Variants in PCGF5 observed in about 807,000 individuals in gnomAD.
PCGF5 encodes polycomb group RING finger protein 5.
In PCGF5, 9 loss-of-function variants were observed where a neutral mutation model predicts 44.3. The observed-to-expected ratio is 0.20, with a 90% CI of 0.12 to 0.35. PCGF5 has a LOEUF of 0.35. Among genes scored for constraint, PCGF5 ranks in the 10% least tolerant of loss-of-function variants. PCGF5 has a pLI of 1.00. For synonymous variants in PCGF5, 95 were observed against 102.5 expected (o/e 0.93, Z 0.44); for missense variants, 146 against 305.3 (o/e 0.48, Z 3.89).
Position 91,243,149 on chromosome 10 carries a change from T to G in PCGF5, c.209+2569T>G, listed in dbSNP as rs150682967. 1.4e-4 allele frequency among the ~76,000 whole-genome samples: 21 copies of G among 152,234 alleles called. No homozygotes were observed. The East Asian group carries it at 3.7e-3, about 27-fold the overall frequency. ...AAGCTAGAAAGCAAACTGGTGATGG[T>G]GATAGTTGAGCGGACCTCAGAGGCC... On this transcript the variant is annotated intron_variant, in intron 3 of 9. Transcript: ENST00000336126.
At chr10:91,175,790 G>C (rs1319906056) in intron 1 of PCGF5, among the ~76,000 whole-genome samples, 1 of 151,948 alleles carries the variant, frequency 6.6e-6, no homozygotes, top group Non-Finnish European at 1.5e-5. Flanking sequence ...CCTTTATTTT[G>C]AGCCTATGTG....
rs184085117 is a variant in PCGF5, at chr10:91,223,674, T to G, written c.112+691T>G. 4.6e-4 allele frequency among the ~76,000 whole-genome samples: 70 copies of G among 152,324 alleles called. 1 individual carries two copies. In the East Asian group the frequency reaches 6.6e-3, roughly 14 times the overall value. On this transcript the variant is annotated intron_variant, in intron 2 of 9. Transcript: ENST00000336126. ...GTGTTTCTGCCAGCATGATTTCATTTTTTATTTCAGTGAAAGTAATTCCAG... is the reference window on the plus strand; with the variant it reads ...GTGTTTCTGCCAGCATGATTTCATTGTTTATTTCAGTGAAAGTAATTCCAG...
At chr10:91,174,384 G>A (rs1843664560) in intron 1 of PCGF5, among the ~76,000 whole-genome samples, 1 of 152,098 alleles carries the variant, frequency 6.6e-6, no homozygotes. Context: ...GTGCATGCCT[G>A]TAATCCCAGC....
intron 8 of PCGF5, among the ~76,000 whole-genome samples, chr10:91,267,452 T>G (rs993861997): frequency 2.0e-5 from 3 of 152,238 alleles, no homozygotes; most frequent in Non-Finnish European, 4.4e-5. Flanking sequence ...CTGCTAAATC[T>G]CCAGCACCTA....
chr10:91,232,507 T>C (rs1845037458), intron 2 of PCGF5, among the ~76,000 whole-genome samples: 1 of 152,102 alleles, frequency 6.6e-6, no homozygotes, highest in African/African-American at 2.4e-5. Flanking sequence ...GGGGTTCTTT[T>C]TGAGCTGGGG....
Position 91,253,042 on chromosome 10 carries a change from C to T in PCGF5, c.474+1602C>T, listed in dbSNP as rs373128336. Among the ~76,000 whole-genome samples, 21 of 151,500 alleles carry T rather than the reference C, an allele frequency of 1.4e-4. No homozygotes were observed. In the East Asian group the frequency reaches 3.3e-3, roughly 24 times the overall value. On this transcript the variant is annotated intron_variant, in intron 6 of 9. Transcript: ENST00000336126. ...AGCTACCCTGATTCTTCCTTTTTTT[C>T]CTGTGGCATTCCTGCTTTGTCTCCA...
At chr10:91,267,275 T>A (rs1846070597) in intron 8 of PCGF5, among the ~76,000 whole-genome samples, 1 of 152,190 alleles carries the variant, frequency 6.6e-6, no homozygotes, top group Non-Finnish European at 1.5e-5. Flanking sequence ...TCTGACCTCC[T>A]CTAAAACTAC....
intron 3 of PCGF5, among the ~76,000 whole-genome samples, chr10:91,245,451 C>T (rs1329554627): frequency 6.6e-6 from 1 of 151,862 alleles, no homozygotes; most frequent in Non-Finnish European, 1.5e-5. Context: ...ACAACTCTTT[C>T]AAGGAGTTTT....
In PCGF5 at chr10:91,192,691, T is replaced by A. The variant is rs1046179598; in HGVS notation, c.-184+29610T>A. ...ACGACATACAATAAAACAGGCATAGTAAACATTTATTATATGGTTTGTTAT... is the reference window on the plus strand; with the variant it reads ...ACGACATACAATAAAACAGGCATAGAAAACATTTATTATATGGTTTGTTAT... On this transcript the variant is annotated intron_variant, in intron 1 of 9. Coordinates refer to the PCGF5 transcript ENST00000614189. Among the ~76,000 whole-genome samples the A allele has an allele frequency of 2.6e-5, 4 of 152,344 alleles. No homozygotes were observed. In the Middle Eastern group the frequency reaches 0.01, roughly 389 times the overall value.
At chr10:91,233,537 T>C (rs189799753) in intron 2 of PCGF5, among the ~76,000 whole-genome samples, 15 of 152,326 alleles carry the variant, frequency 9.8e-5, no homozygotes, top group Admixed American at 4.6e-4. Flanking sequence ...TACGGCACAT[T>C]ATGTAATATA....
At chr10:91,182,747 T>C (rs1843844809) in intron 1 of PCGF5, among the ~76,000 whole-genome samples, 1 of 152,258 alleles carries the variant, frequency 6.6e-6, no homozygotes, top group African/African-American at 2.4e-5. Flanking sequence ...ATTGTATCTT[T>C]GCTTTCATTA....
intron 2 of PCGF5, among the ~76,000 whole-genome samples, chr10:91,234,996 A>G (rs1056888911): frequency 6.6e-6 from 1 of 152,150 alleles, no homozygotes; most frequent in Non-Finnish European, 1.5e-5. Context: ...TGGTTTCTTA[A>G]TGGTGATAAT....
intron 9 of PCGF5, among the ~76,000 whole-genome samples, chr10:91,277,188 A>C (rs1053461839): frequency 6.6e-6 from 1 of 152,158 alleles, no homozygotes; most frequent in Non-Finnish European, 1.5e-5. Flanking sequence ...AGATTCCAAC[A>C]TTGAGTCTTC....
chr10:91,206,334 G>A (rs1304818387), intron 1 of PCGF5, among the ~76,000 whole-genome samples: 1 of 152,074 alleles, frequency 6.6e-6, no homozygotes, highest in Non-Finnish European at 1.5e-5. Flanking sequence ...AGCACTAGAT[G>A]TTATAAATAA....
intron 8 of PCGF5, among the ~76,000 whole-genome samples, chr10:91,268,665 A>G (rs1846103780): frequency 6.6e-6 from 1 of 152,096 alleles, no homozygotes; most frequent in Non-Finnish European, 1.5e-5. Flanking sequence ...CTCTGCTTCT[A>G]GCCTCTTAGG....
Position 91,280,602 on chromosome 10 carries a change from A to C in PCGF5, c.*2286A>C, listed in dbSNP as rs1453848260. On this transcript the variant is annotated 3_prime_UTR_variant, in exon 10 of 10. Coordinates refer to ENST00000336126, the MANE Select transcript of PCGF5 (RefSeq NM_032373.5). ...AAGGCATCAGTTGTCGTTTGGAGAA[A>C]GGTACACATTTTTTTGATGGTCCTA... is the stretch of plus-strand genomic sequence containing the variant. 4 of 152,632 alleles carry C rather than the reference A, an allele frequency of 2.6e-5. No homozygotes were observed. Among genetic ancestry groups the C allele is most frequent in the African/African-American group, 9.6e-5 (4 of 41,590 alleles). 9.5% of individuals were successfully genotyped at this position (152,632 alleles called of 1,614,324 possible).
At chr10:91,257,474 CAT>C (rs1457003990) in intron 6 of PCGF5, among the ~76,000 whole-genome samples, 9 of 148,868 alleles carry the variant, frequency 6.0e-5, no homozygotes, top group Non-Finnish European at 1.2e-4. Flanking sequence ...ATCTGTGGAG[CAT>C]ATGTTCCAAG....
At chr10:91,190,278 T>C (rs1844008307) in intron 1 of PCGF5, among the ~76,000 whole-genome samples, 1 of 152,220 alleles carries the variant, frequency 6.6e-6, no homozygotes, top group Non-Finnish European at 1.5e-5. Context: ...GTCTGACCTC[T>C]TAATCCCATC....
chr10:91,178,026 G>C (rs895236142), intron 1 of PCGF5, among the ~76,000 whole-genome samples: 1 of 152,144 alleles, frequency 6.6e-6, no homozygotes, highest in African/African-American at 2.4e-5. Context: ...CTGTAGACTG[G>C]AGCTGTTCCT....
Sources: gnomAD v4.1 joint callset for allele counts (sites outside exome capture counted in the v4.1 genomes callset) on GRCh38, gnomAD v4.1.1 for gene constraint, MANE v1.5 for transcripts, NCBI Gene and HGNC (gene_info 2026-07-23, HGNC 2026-07-21) for gene names.